Variants in CPNE4 observed in about 807,000 individuals in gnomAD.
The protein encoded by CPNE4 is copine 4, also known as copine-4.
A neutral mutation model predicts 67.9 loss-of-function variants in CPNE4; 25 were observed. The ratio of observed to expected loss-of-function variants is 0.37; its 90% CI spans 0.27 to 0.51. The LOEUF (loss-of-function observed/expected upper bound fraction) is 0.51, where lower values mean the gene tolerates loss of function less well. CPNE4 is among the 20% of genes least tolerant of loss of function. The pLI is 0.93. For synonymous variants in CPNE4, 242 were observed against 244.9 expected (o/e 0.99, Z 0.11); for missense variants, 464 against 690.8 (o/e 0.67, Z 3.68).
Position 131,834,463 on chromosome 3 carries a change from T to C in CPNE4, c.180+70801A>G, listed in dbSNP as rs1054717981. 3.5e-4 allele frequency among the ~76,000 whole-genome samples: 54 copies of C among 152,254 alleles called. 1 individual carries two copies. Among genetic ancestry groups the C allele is most frequent in the African/African-American group, 1.3e-3 (54 of 41,564 alleles). On this transcript the variant is annotated intron_variant, in intron 2 of 15. Coordinates refer to ENST00000429747, the MANE Select transcript of CPNE4 (RefSeq NM_130808.3). ...AGATGATTTGTTAGGCTTAAAGCTG[T>C]GGGTGGTGAAGAAATTCTTCTTTGA...
At chr3:131,674,615 G>T (rs2080512165) in intron 6 of CPNE4, among the ~76,000 whole-genome samples, 1 of 151,728 alleles carries the variant, frequency 6.6e-6, no homozygotes, top group South Asian at 2.1e-4. Context: ...GCATATAGTT[G>T]CTCATAGTAA....
intron 1 of CPNE4, among the ~76,000 whole-genome samples, chr3:131,938,155 G>A (rs766880660): frequency 1.3e-5 from 2 of 151,926 alleles, no homozygotes; most frequent in African/African-American, 2.4e-5. Flanking sequence ...CCAGGAATTC[G>A]AGACCAGCCT....
intron 2 of CPNE4, among the ~76,000 whole-genome samples, chr3:131,742,719 C>T (rs1451776253): frequency 1.3e-5 from 2 of 151,822 alleles, no homozygotes; most frequent in Non-Finnish European, 2.9e-5. Context: ...TAAAAAGTGA[C>T]CAAAAATCCT....
chr3:131,998,112 A>G (rs919223647), intron 1 of CPNE4, among the ~76,000 whole-genome samples: 1 of 152,110 alleles, frequency 6.6e-6, no homozygotes, highest in Non-Finnish European at 1.5e-5. Context: ...CTGGATGTAG[A>G]TATCATGAGG....
intron 2 of CPNE4, among the ~76,000 whole-genome samples, chr3:131,738,854 CTTTTTTT>C (rs34053204): frequency 2.9e-5 from 4 of 140,134 alleles, no homozygotes; most frequent in African/African-American, 1.0e-4. Context: ...TTTTCTTTTT[CTTTTTTT>C]TTTTTTTCTT....
At chr3:131,682,684 G>A (rs1453619133) in intron 6 of CPNE4, among the ~76,000 whole-genome samples, 1 of 151,962 alleles carries the variant, frequency 6.6e-6, no homozygotes, top group African/African-American at 2.4e-5. Flanking sequence ...ACAATCAGGA[G>A]ATGGCAAAGT....
chr3:131,888,218 T>C (rs951458092), intron 2 of CPNE4, among the ~76,000 whole-genome samples: 16 of 152,220 alleles, frequency 1.1e-4, no homozygotes, highest in African/African-American at 3.1e-4. Flanking sequence ...TGGAAGAAAC[T>C]AGATTAAGCA....
At chr3:131,694,964 T>G (rs1458164076) in intron 5 of CPNE4, among the ~76,000 whole-genome samples, 1 of 152,202 alleles carries the variant, frequency 6.6e-6, no homozygotes, top group Non-Finnish European at 1.5e-5. Context: ...GAATAGATTG[T>G]TTACCATGCA....
chr3:131,790,560 C>A (rs1197150638), intron 2 of CPNE4, among the ~76,000 whole-genome samples: 2 of 152,100 alleles, frequency 1.3e-5, no homozygotes, highest in African/African-American at 4.8e-5. Context: ...GCCAGATGCA[C>A]CCTCAGTCTA....
intron 10 of CPNE4, among the ~76,000 whole-genome samples, chr3:131,565,031 C>T (rs187476062): frequency 4.6e-4 from 70 of 152,112 alleles, no homozygotes; most frequent in African/African-American, 1.6e-3. Flanking sequence ...GCTTCAACTT[C>T]TCAAATTTCT....
At chr3:131,757,379 C>T (rs2082777065) in intron 2 of CPNE4, among the ~76,000 whole-genome samples, 1 of 152,106 alleles carries the variant, frequency 6.6e-6, no homozygotes, top group Non-Finnish European at 1.5e-5. Context: ...TATGTTTTAG[C>T]AAAGAGACTG....
At chr3:131,973,000 G>T (rs1174025300) in intron 1 of CPNE4, among the ~76,000 whole-genome samples, 2 of 152,078 alleles carry the variant, frequency 1.3e-5, no homozygotes, top group African/African-American at 4.8e-5. Context: ...TCTACAACTA[G>T]CTTAAGTCTC....
rs554254579 is a variant in CPNE4 at position 131,552,222 on chromosome 3, C to T, written c.1168+218G>A. On this transcript the variant is annotated intron_variant, in intron 13 of 15. Transcript: ENST00000429747. ...CAACATTATTGCCATACACTCAAGA[C>T]CACCTCTTCTGCATTCTGTCTTTTC... Among the ~76,000 whole-genome samples, 19 of 152,156 alleles carry T rather than the reference C, an allele frequency of 1.2e-4. No individual in the cohort carries two copies. The East Asian group carries it at 3.7e-3, about 29-fold the overall frequency.
chr3:131,884,340 T>G (rs1024229595), intron 2 of CPNE4, among the ~76,000 whole-genome samples: 1 of 152,118 alleles, frequency 6.6e-6, no homozygotes, highest in Non-Finnish European at 1.5e-5. Flanking sequence ...TAAAATGTAA[T>G]TGGGAAAATC....
chr3:131,896,637 C>T (rs1302094204), intron 2 of CPNE4, among the ~76,000 whole-genome samples: 1 of 152,076 alleles, frequency 6.6e-6, no homozygotes. Flanking sequence ...CATGACCATT[C>T]TTAATGGAGT....
At chr3:131,774,935 T>C (rs933293236) in intron 2 of CPNE4, among the ~76,000 whole-genome samples, 3 of 152,164 alleles carry the variant, frequency 2.0e-5, no homozygotes, top group African/African-American at 7.2e-5. Context: ...TCTCTTAAAA[T>C]CTTGGCCTAA....
intron 1 of CPNE4, among the ~76,000 whole-genome samples, chr3:131,912,454 A>C (rs1292203997): frequency 2.8e-5 from 4 of 141,582 alleles, no homozygotes; most frequent in African/African-American, 9.8e-5. Flanking sequence ...GTCATAGTAC[A>C]TCCAGGGAAG....
At chr3:131,657,870 T>C (rs962882828) in intron 7 of CPNE4, among the ~76,000 whole-genome samples, 8 of 152,048 alleles carry the variant, frequency 5.3e-5, no homozygotes, top group Non-Finnish European at 8.8e-5. Flanking sequence ...GGCCGAATTA[T>C]CTATATTTTT....
chr3:131,614,163 G>A (rs1287314880), intron 7 of CPNE4, among the ~76,000 whole-genome samples: 1 of 152,094 alleles, frequency 6.6e-6, no homozygotes, highest in Admixed American at 6.6e-5. Context: ...TTACTGTGAA[G>A]GTATAGAATC....
Sources: allele counts gnomAD v4.1 joint callset (sites outside exome capture counted in the v4.1 genomes callset), GRCh38; gene constraint gnomAD v4.1.1; transcripts MANE v1.5; gene names NCBI Gene and HGNC (gene_info 2026-07-23, HGNC 2026-07-21).